CNTN5: variants seen among roughly 807,000 people sequenced by gnomAD.
CNTN5 encodes the protein contactin-5.
Under a neutral mutation model 129.1 loss-of-function variants are expected in CNTN5, and 77 were observed. The observed-to-expected ratio is 0.60, with a 90% CI of 0.50 to 0.72. CNTN5 has a LOEUF of 0.72. CNTN5 is among the 30% of genes least tolerant of loss of function. CNTN5 has a pLI of 0.00. For missense variants in CNTN5, 1,478 were observed against 1,328.8 expected (o/e 1.11, Z -1.75); for synonymous variants, 509 against 465.6 (o/e 1.09, Z -1.20).
intron 1 of CNTN5, among the ~76,000 whole-genome samples, chr11:99,139,446 G>T (rs187204884): frequency 8.5e-4 from 130 of 152,168 alleles, no homozygotes; most frequent in African/African-American, 3.0e-3. Flanking sequence ...GGGATGTGTG[G>T]TGACCTAAAT....
chr11:99,274,874 T>C (rs570330714), intron 1 of CNTN5, among the ~76,000 whole-genome samples: 1 of 151,662 alleles, frequency 6.6e-6, no homozygotes, highest in Admixed American at 6.6e-5. Flanking sequence ...GCTCAGTAAA[T>C]GCTGTGTATA....
At chr11:99,689,371 C>CA (rs753270149) in intron 3 of CNTN5, among the ~76,000 whole-genome samples, 44 of 151,552 alleles carry the variant, frequency 2.9e-4, no homozygotes, top group Non-Finnish European at 5.2e-4. Context: ...ACTAAAAATA[C>CA]AAAAAATTAG....
intron 1 of CNTN5, among the ~76,000 whole-genome samples, chr11:99,274,999 G>A (rs978336086): frequency 1.3e-5 from 2 of 151,278 alleles, no homozygotes; most frequent in Non-Finnish European, 3.0e-5. Context: ...AATAATGCAA[G>A]TATCCAGGGT....
At chr11:100,101,482 C>T (rs566095957) in intron 13 of CNTN5, among the ~76,000 whole-genome samples, 2 of 152,244 alleles carry the variant, frequency 1.3e-5, no homozygotes, top group African/African-American at 2.4e-5. Context: ...AAGCATCGAG[C>T]TTATTGCATC....
chr11:99,806,162 A>C (rs1337253817), intron 3 of CNTN5, among the ~76,000 whole-genome samples: 1 of 152,154 alleles, frequency 6.6e-6, no homozygotes, highest in African/African-American at 2.4e-5. Flanking sequence ...ATTTGGACTA[A>C]ATATTCACTG....
chr11:100,255,838 C>T lies in CNTN5; in HGVS notation c.2084C>T (p.Ala695Val). Reference sequence around the variant, plus strand: ...GCCACACTGTCCTGGAGCCCAGCAGCTGACAACCACAGCCCAATCTCCTCC... The same window carrying T: ...GCCACACTGTCCTGGAGCCCAGCAGTTGACAACCACAGCCCAATCTCCTCC... ...STATLSWSPA[A>V]DNHSPISSYN... The change falls in exon 17 of 25, where the codon GCT becomes GTT. Residue 695 changes from alanine to valine, a missense_variant. Transcript: ENST00000524871. The T allele has an allele frequency of 1.2e-6, 2 of 1,613,892 alleles. No individual in the cohort carries two copies. Among genetic ancestry groups the T allele is most frequent in the Non-Finnish European group, 1.7e-6 (2 of 1,179,866 alleles).
chr11:99,510,649 A>T (rs979275072), intron 2 of CNTN5, among the ~76,000 whole-genome samples: 1 of 152,164 alleles, frequency 6.6e-6, no homozygotes, highest in Non-Finnish European at 1.5e-5. Context: ...AAAAATTCCT[A>T]TCATTTAGTG....
intron 1 of CNTN5, among the ~76,000 whole-genome samples, chr11:99,283,323 C>G (rs144849356): frequency 6.6e-6 from 1 of 152,014 alleles, no homozygotes; most frequent in Non-Finnish European, 1.5e-5. Context: ...CACTTTTTCG[C>G]TAAAAATTTT....
chr11:99,854,398 T>A (rs775301468), intron 6 of CNTN5, among the ~76,000 whole-genome samples: 1 of 152,192 alleles, frequency 6.6e-6, no homozygotes, highest in Non-Finnish European at 1.5e-5. Flanking sequence ...TAGGAATATG[T>A]ATCCAGAGAA....
chr11:99,386,532 T>C (rs1007879654), intron 2 of CNTN5, among the ~76,000 whole-genome samples: 17 of 152,098 alleles, frequency 1.1e-4, no homozygotes, highest in African/African-American at 3.4e-4. Context: ...GAAGTCACTC[T>C]CATGGCCATC....
At chr11:99,905,101 C>T (rs185557170) in intron 6 of CNTN5, among the ~76,000 whole-genome samples, 1 of 152,296 alleles carries the variant, frequency 6.6e-6, no homozygotes, top group East Asian at 1.9e-4. Context: ...TCTGTTCAGT[C>T]TGATGATAGT....
chr11:99,459,482 T>G (rs1944612156), intron 2 of CNTN5, among the ~76,000 whole-genome samples: 1 of 151,980 alleles, frequency 6.6e-6, no homozygotes. Flanking sequence ...GAATATGCCA[T>G]TACAATGGAA....
intron 13 of CNTN5, among the ~76,000 whole-genome samples, chr11:100,158,849 TTGTACA>T (rs1419683143): frequency 6.6e-6 from 1 of 151,590 alleles, no homozygotes; most frequent in African/African-American, 2.4e-5. Context: ...CACTAATCTG[TTGTACA>T]TGTGCATACA....
intron 3 of CNTN5, among the ~76,000 whole-genome samples, chr11:99,736,416 G>T (rs928267117): frequency 6.6e-6 from 1 of 152,132 alleles, no homozygotes; most frequent in Non-Finnish European, 1.5e-5. Flanking sequence ...AGGGTCTGAT[G>T]AAGAAGGGGT....
At chr11:100,074,510 G>A in intron 13 of CNTN5, 1 of 442,924 alleles carries the variant, frequency 2.3e-6, no homozygotes, top group East Asian at 3.8e-5. Context: ...TTTAGCATAA[G>A]TTGGATATTT....
At chr11:100,145,581 A>G (rs1476911867) in intron 13 of CNTN5, among the ~76,000 whole-genome samples, 1 of 152,156 alleles carries the variant, frequency 6.6e-6, no homozygotes, top group African/African-American at 2.4e-5. Context: ...TGACCAGTCA[A>G]TTAAGAACTT....
rs1316599624 is a variant in CNTN5 at position 99,234,144 on chromosome 11, G to T, written c.-209-91202G>T. Reference sequence around the variant, plus strand: ...TTGCAAGAAATGGATTAACCTGAATGAATTTGTGAACTTTGAGATATTCTT... The same window carrying T: ...TTGCAAGAAATGGATTAACCTGAATTAATTTGTGAACTTTGAGATATTCTT... On this transcript the variant is annotated intron_variant, in intron 1 of 24. Transcript: ENST00000524871. Among the ~76,000 whole-genome samples the T allele has an allele frequency of 3.9e-5, 6 of 152,158 alleles. No homozygotes were observed. In the East Asian group the frequency reaches 1.2e-3, roughly 29 times the overall value.
At chr11:99,973,687 A>C (rs1937735981) in intron 8 of CNTN5, among the ~76,000 whole-genome samples, 1 of 152,068 alleles carries the variant, frequency 6.6e-6, no homozygotes, top group African/African-American at 2.4e-5. Context: ...TATGGTGGAT[A>C]TTTTATTTCC....
chr11:100,011,594 A>G (rs1940536203), intron 9 of CNTN5, among the ~76,000 whole-genome samples: 1 of 152,122 alleles, frequency 6.6e-6, no homozygotes, highest in African/African-American at 2.4e-5. Context: ...TCTTGTGGTG[A>G]GGTGGGAGGG....
Sources: gnomAD v4.1 joint callset for allele counts (sites outside exome capture counted in the v4.1 genomes callset) on GRCh38, gnomAD v4.1.1 for gene constraint, MANE v1.5 for transcripts, NCBI Gene and HGNC (gene_info 2026-07-23, HGNC 2026-07-21) for gene names.